CDH12: variants seen among roughly 807,000 people sequenced by gnomAD.
The protein encoded by CDH12 is cadherin-12.
In CDH12, 41 loss-of-function variants were observed where a neutral mutation model predicts 74.1. The ratio of observed to expected loss-of-function variants is 0.55; its 90% CI spans 0.43 to 0.72. The LOEUF (loss-of-function observed/expected upper bound fraction) is 0.72, where lower values mean the gene tolerates loss of function less well. Ranked by LOEUF, CDH12 falls within the 30% of genes least tolerant of loss-of-function variation. The probability of loss-of-function intolerance (pLI) is 0.00; values close to 1 mark genes in which losing one functional copy is unlikely to be tolerated. For synonymous variants in CDH12, 399 were observed against 355.0 expected, an observed-to-expected ratio of 1.12 and a Z score of -1.39; for missense variants, 945 against 977.2, an observed-to-expected ratio of 0.97 and a Z score of 0.44.
chr5:21,922,488 C>T (rs940082703), intron 6 of CDH12, among the ~76,000 whole-genome samples: 1 of 152,064 alleles, frequency 6.6e-6, no homozygotes, highest in African/African-American at 2.4e-5. Flanking sequence ...ATATGCTGGC[C>T]TCTGAACTTT....
At chr5:22,595,700 A>G (rs964085139) in intron 1 of CDH12, among the ~76,000 whole-genome samples, 1 of 152,152 alleles carries the variant, frequency 6.6e-6, no homozygotes, top group Non-Finnish European at 1.5e-5. Flanking sequence ...TTCATCTTCA[A>G]TATCCACCAC....
chr5:21,942,524 T>C (rs1340569438), intron 6 of CDH12, among the ~76,000 whole-genome samples: 1 of 151,758 alleles, frequency 6.6e-6, no homozygotes, highest in Non-Finnish European at 1.5e-5. Flanking sequence ...GTTATATAAA[T>C]AGTGCTCTAT....
intron 4 of CDH12, among the ~76,000 whole-genome samples, chr5:22,153,856 G>GTA (rs1296231917): frequency 6.1e-5 from 7 of 114,084 alleles, no homozygotes; most frequent in Middle Eastern, 3.8e-3. Context: ...ATATGTGTGT[G>GTA]TGTATATATA....
intron 1 of CDH12, among the ~76,000 whole-genome samples, chr5:22,827,015 A>T (rs1023006139): frequency 1.3e-5 from 2 of 152,212 alleles, no homozygotes; most frequent in Non-Finnish European, 2.9e-5. Flanking sequence ...TCTCCAGAAC[A>T]TGTAAGAGAC....
At chr5:22,275,100 G>A (rs370445470) in intron 3 of CDH12, among the ~76,000 whole-genome samples, 6 of 152,096 alleles carry the variant, frequency 3.9e-5, no homozygotes, top group Admixed American at 2.6e-4. Flanking sequence ...ACACAGAGAG[G>A]GGAACATCAC....
intron 1 of CDH12, among the ~76,000 whole-genome samples, chr5:22,670,146 A>C (rs1246307758): frequency 3.3e-5 from 5 of 152,132 alleles, no homozygotes; most frequent in Non-Finnish European, 5.9e-5. Context: ...TTAAGACTTT[A>C]ATCAAGATGT....
intron 1 of CDH12, among the ~76,000 whole-genome samples, chr5:22,607,966 G>A (rs1737202846): frequency 6.6e-6 from 1 of 152,222 alleles, no homozygotes; most frequent in Non-Finnish European, 1.5e-5. Flanking sequence ...TTCTGCAAGG[G>A]AAGAGCCCTC....
intron 2 of CDH12, among the ~76,000 whole-genome samples, chr5:22,431,025 T>C (rs555037812): frequency 6.6e-6 from 1 of 152,204 alleles, no homozygotes; most frequent in African/African-American, 2.4e-5. Context: ...ATGCTTATAT[T>C]CCTGCAGTAG....
chr5:22,612,641 A>C (rs1737467499), intron 1 of CDH12, among the ~76,000 whole-genome samples: 1 of 152,048 alleles, frequency 6.6e-6, no homozygotes, highest in South Asian at 2.1e-4. Flanking sequence ...GTGAATGTCA[A>C]TGTGATGCAT....
At chr5:21,914,296 C>T (rs1753992644) in intron 6 of CDH12, among the ~76,000 whole-genome samples, 1 of 151,868 alleles carries the variant, frequency 6.6e-6, no homozygotes. Context: ...AGTTTATATC[C>T]AATAAGGGTG....
At chr5:22,443,896 A>T (rs1744720312) in intron 2 of CDH12, among the ~76,000 whole-genome samples, 1 of 152,062 alleles carries the variant, frequency 6.6e-6, no homozygotes, top group Admixed American at 6.6e-5. Flanking sequence ...ATATTTACAC[A>T]TGCATATGTA....
chr5:22,493,149 T>A (rs1746957288), intron 2 of CDH12, among the ~76,000 whole-genome samples: 2 of 152,210 alleles, frequency 1.3e-5, no homozygotes, highest in African/African-American at 2.4e-5. Context: ...CAGTTACTCG[T>A]ATCTTGGCTT....
At chr5:22,377,894 T>C (rs1741601698) in intron 3 of CDH12, among the ~76,000 whole-genome samples, 1 of 152,220 alleles carries the variant, frequency 6.6e-6, no homozygotes, top group Non-Finnish European at 1.5e-5. Context: ...AAATTCATAC[T>C]ATGCTACATT....
intron 6 of CDH12, among the ~76,000 whole-genome samples, chr5:21,964,535 G>C (rs1756499349): frequency 6.6e-6 from 1 of 151,656 alleles, no homozygotes; most frequent in African/African-American, 2.4e-5. Context: ...TTCTTCTCCT[G>C]CTAGTTACCA....
At chr5:22,523,978 A>T (rs1737160071) in intron 1 of CDH12, among the ~76,000 whole-genome samples, 1 of 127,370 alleles carries the variant, frequency 7.9e-6, no homozygotes, top group African/African-American at 3.1e-5. Flanking sequence ...ATTTATTATT[A>T]TTATTTTTTT....
At chr5:21,865,542 A>G (rs1172368441) in intron 6 of CDH12, among the ~76,000 whole-genome samples, 2 of 152,122 alleles carry the variant, frequency 1.3e-5, no homozygotes, top group Non-Finnish European at 2.9e-5. Context: ...CCACAGACTC[A>G]CTGCTGAGAA....
intron 1 of CDH12, among the ~76,000 whole-genome samples, chr5:22,762,490 T>C (rs1746279231): frequency 6.6e-6 from 1 of 152,108 alleles, no homozygotes; most frequent in Non-Finnish European, 1.5e-5. Context: ...TAATTCATTT[T>C]GTGTTAATGA....
chr5:22,806,605 C>T (rs1301204480), intron 1 of CDH12, among the ~76,000 whole-genome samples: 1 of 152,034 alleles, frequency 6.6e-6, no homozygotes, highest in Non-Finnish European at 1.5e-5. Context: ...CCGCCCGCCT[C>T]GGCCTCCCAA....
intron 3 of CDH12, among the ~76,000 whole-genome samples, chr5:22,297,115 G>A (rs775671423): frequency 6.6e-6 from 1 of 151,804 alleles, no homozygotes; most frequent in Non-Finnish European, 1.5e-5. Context: ...TCCACTTCCC[G>A]GGTTCAAGCG....
Sources: allele counts gnomAD v4.1 joint callset (sites outside exome capture counted in the v4.1 genomes callset), GRCh38; gene constraint gnomAD v4.1.1; transcripts MANE v1.5; gene names NCBI Gene and HGNC (gene_info 2026-07-23, HGNC 2026-07-21).